The following MALRD1 variants were observed in gnomAD, a reference collection of about 807,000 sequenced individuals.
The protein encoded by MALRD1 is MAM and LDL receptor class A domain containing 1.
Under a neutral mutation model 242.1 loss-of-function variants are expected in MALRD1, and 247 were observed. The ratio of observed to expected loss-of-function variants is 1.02; its 90% CI spans 0.92 to 1.13. The LOEUF (loss-of-function observed/expected upper bound fraction) is 1.13, where lower values mean the gene tolerates loss of function less well. MALRD1 is among the 50% of genes most tolerant of loss of function. MALRD1 has a pLI of 0.00. For synonymous variants in MALRD1, 995 were observed against 866.6 expected (o/e 1.15, Z -2.60); for missense variants, 2,989 against 2,533.1 (o/e 1.18, Z -3.86).
Position 19,562,565 on chromosome 10 carries a change from G to C in MALRD1, c.5479-4937G>C, listed in dbSNP as rs1377781126. Among the ~76,000 whole-genome samples the C allele has an allele frequency of 3.3e-5, 5 of 152,060 alleles. No individual in the cohort carries two copies. In the South Asian group the frequency reaches 1.0e-3, roughly 32 times the overall value. Reference sequence around the variant, plus strand: ...CAGGAGTACCTTTCCCTGGTCTTCTGTTCTAGTACATTGTGGTTCCATGTG... The same window carrying C: ...CAGGAGTACCTTTCCCTGGTCTTCTCTTCTAGTACATTGTGGTTCCATGTG... On this transcript the variant is annotated intron_variant, in intron 32 of 39. Coordinates refer to ENST00000454679, the MANE Select transcript of MALRD1 (RefSeq NM_001142308.3).
intron 29 of MALRD1, among the ~76,000 whole-genome samples, chr10:19,455,598 G>T (rs1835606047): frequency 6.6e-6 from 1 of 152,026 alleles, no homozygotes; most frequent in Non-Finnish European, 1.5e-5. Flanking sequence ...TCTATACAAG[G>T]TACTTTGAAA....
intron 24 of MALRD1, among the ~76,000 whole-genome samples, chr10:19,337,791 G>A (rs1000164358): frequency 3.3e-5 from 5 of 151,836 alleles, no homozygotes; most frequent in Admixed American, 1.3e-4. Context: ...AACTGGGTGC[G>A]GTGGTTCACG....
At chr10:19,331,687 C>T in intron 24 of MALRD1, 105 bp downstream of exon 24, 1 of 853,518 alleles carries the variant, frequency 1.2e-6, no homozygotes, top group Non-Finnish European at 1.8e-6. Flanking sequence ...TATCTCAACA[C>T]CAGGGGAAGG....
intron 14 of MALRD1, among the ~76,000 whole-genome samples, chr10:19,190,493 C>T (rs1168997530): frequency 1.3e-5 from 2 of 151,840 alleles, no homozygotes; most frequent in Non-Finnish European, 2.9e-5. Flanking sequence ...CAAAATAATT[C>T]TGAAAAAGAG....
intron 28 of MALRD1, among the ~76,000 whole-genome samples, chr10:19,408,578 A>T (rs1304696195): frequency 6.6e-6 from 1 of 152,188 alleles, no homozygotes; most frequent in Non-Finnish European, 1.5e-5. Context: ...TTAACAAAAA[A>T]ATTAAACAAT....
chr10:19,171,981 CAT>C (rs1835006809), intron 13 of MALRD1, among the ~76,000 whole-genome samples: 1 of 25,906 alleles, frequency 3.9e-5, no homozygotes, highest in South Asian at 1.8e-3. Flanking sequence ...TGATATATAT[CAT>C]ATAATATATG....
intron 36 of MALRD1, among the ~76,000 whole-genome samples, chr10:19,636,149 A>G (rs1840115934): frequency 6.6e-6 from 1 of 152,196 alleles, no homozygotes; most frequent in Admixed American, 6.5e-5. Flanking sequence ...TACATTGACC[A>G]TGGAATTCTC....
chr10:19,697,445 A>C (rs1833431138), intron 38 of MALRD1, among the ~76,000 whole-genome samples: 1 of 151,886 alleles, frequency 6.6e-6, no homozygotes, highest in East Asian at 1.9e-4. Flanking sequence ...ACTGATTATA[A>C]AGGTTAATCA....
At chr10:19,229,470 G>T (rs1837955921) in intron 18 of MALRD1, among the ~76,000 whole-genome samples, 1 of 152,094 alleles carries the variant, frequency 6.6e-6, no homozygotes, top group South Asian at 2.1e-4. Context: ...GCCTCTCTGG[G>T]TGTGGCATGC....
rs909607792 is a variant in MALRD1 at position 19,615,936 on chromosome 10, G to A, written c.6137+13G>A. The stretch of plus-strand genomic sequence containing the variant: ...GTCCTATGTGTCGGTAAGAAGCATT[G>A]TTTAATTTTTTTTTTTAAGATTTTT... On this transcript the variant is annotated intron_variant, in intron 36 of 39. Coordinates refer to ENST00000454679, the MANE Select transcript of MALRD1 (RefSeq NM_001142308.3). 1 of 1,477,672 alleles carries A rather than the reference G, an allele frequency of 6.8e-7. No individual in the cohort carries two copies. The highest frequency in any genetic ancestry group is 1.7e-5 in the African/African-American group (1 of 59,340). The allele number at this position is 1,477,672 out of a possible 1,614,324, so 91.5% of individuals were successfully genotyped here. A position where few individuals can be genotyped will look rare whatever the true frequency, so the allele number is the denominator to read the frequency against.
intron 36 of MALRD1, among the ~76,000 whole-genome samples, chr10:19,671,155 C>T (rs1168730893): frequency 2.0e-5 from 3 of 151,952 alleles, no homozygotes; most frequent in Non-Finnish European, 4.4e-5. Context: ...CTAGTACACA[C>T]TGTGGAATGT....
At chr10:19,102,233 A>G (rs1022682548) in intron 4 of MALRD1, among the ~76,000 whole-genome samples, 8 of 151,686 alleles carry the variant, frequency 5.3e-5, no homozygotes, top group African/African-American at 1.4e-4. Flanking sequence ...TCTTGGATTC[A>G]GATTCTAGCC....
chr10:19,547,799 TATATATATATATATATATA>T (rs1156482296), intron 32 of MALRD1, among the ~76,000 whole-genome samples: 6 of 13,660 alleles, frequency 4.4e-4, no homozygotes, highest in East Asian at 2.4e-3. Context: ...TATATATATA[TATATATATATATATATATA>T]TTTTTTTTTT....
chr10:19,364,612 C>T (rs1845033433), intron 26 of MALRD1, among the ~76,000 whole-genome samples: 1 of 151,826 alleles, frequency 6.6e-6, no homozygotes, highest in East Asian at 1.9e-4. Flanking sequence ...TAAATGAAAA[C>T]CAAAAATGGT....
At chr10:19,400,362 G>T (rs927427760) in intron 28 of MALRD1, among the ~76,000 whole-genome samples, 3 of 152,104 alleles carry the variant, frequency 2.0e-5, no homozygotes, top group Non-Finnish European at 4.4e-5. Flanking sequence ...ATTCAGTGGC[G>T]GTGTGTTCCC....
intron 11 of MALRD1, among the ~76,000 whole-genome samples, chr10:19,153,680 C>A (rs1052219613): frequency 3.4e-5 from 5 of 148,158 alleles, no homozygotes; most frequent in African/African-American, 7.4e-5. Context: ...CAGAGCCAGA[C>A]CCTGTCTCAG....
chr10:19,350,854 C>T (rs1202681020), intron 25 of MALRD1, among the ~76,000 whole-genome samples: 1 of 152,036 alleles, frequency 6.6e-6, no homozygotes, highest in East Asian at 1.9e-4. Context: ...TCCTGGGATG[C>T]TGTCTGAGAG....
At chr10:19,566,491 T>C (rs1448615523) in intron 32 of MALRD1, among the ~76,000 whole-genome samples, 1 of 151,552 alleles carries the variant, frequency 6.6e-6, no homozygotes, top group Non-Finnish European at 1.5e-5. Flanking sequence ...AAGAAAACAG[T>C]GACACAGTAA....
chr10:19,364,110 G>A (rs1845013381), intron 26 of MALRD1, among the ~76,000 whole-genome samples: 1 of 152,018 alleles, frequency 6.6e-6, no homozygotes, highest in Non-Finnish European at 1.5e-5. Flanking sequence ...TTTTACATTA[G>A]AGGACAAGAA....
Sources: gnomAD v4.1 joint callset for allele counts (sites outside exome capture counted in the v4.1 genomes callset) on GRCh38, gnomAD v4.1.1 for gene constraint, MANE v1.5 for transcripts, NCBI Gene and HGNC (gene_info 2026-07-23, HGNC 2026-07-21) for gene names.